Variants in DOK6 observed in about 807,000 individuals in gnomAD.
The protein encoded by DOK6 is downstream of tyrosine kinase 6.
In DOK6, 22 loss-of-function variants were observed where a neutral mutation model predicts 44.0. The observed-to-expected ratio is 0.50, with a 90% confidence interval of 0.36 to 0.71. DOK6 has a LOEUF of 0.71. DOK6 is among the 30% of genes least tolerant of loss of function. The pLI, the probability that DOK6 is intolerant of heterozygous loss-of-function variation, is 0.00. For missense variants in DOK6, 340 were observed against 416.4 expected, an observed-to-expected ratio of 0.82 and a Z score of 1.60; for synonymous variants, 166 against 145.5, an observed-to-expected ratio of 1.14 and a Z score of -1.01.
chr18:69,479,380 A>C (rs961180444), intron 1 of DOK6, among the ~76,000 whole-genome samples: 2 of 152,136 alleles, frequency 1.3e-5, no homozygotes, highest in African/African-American at 4.8e-5. Flanking sequence ...GGCTAGAGTA[A>C]GGGAAGAATG....
In DOK6 at chr18:69,698,542, C is replaced by T. The variant is rs376645571; in HGVS notation, c.548C>T (p.Ser183Leu). The T allele has an allele frequency of 6.2e-7, 1 of 1,613,936 alleles. No individual in the cohort carries two copies. Among genetic ancestry groups the T allele is most frequent in the African/African-American group, 1.3e-5 (1 of 74,892 alleles). Residue 183 changes from serine (S) to leucine (L), a missense_variant, in exon 5 of 8, where the codon TCA becomes TTA. By Grantham distance (145) the Ser-to-Leu change is moderately radical (BLOSUM62 -2). This residue lies in a region of DOK6 where 206 missense variants were observed against 258.6 expected (regional missense o/e 0.80). Transcript: ENST00000382713. Reference protein sequence around the residue: ...KVKLVMWPLSSLRRYGRDSTW... With the variant: ...KVKLVMWPLSLLRRYGRDSTW... ...AAACTGGTGATGTGGCCTCTCAGCT[C>T]ACTGAGGAGATACGGTCGGGACTCA...
chr18:69,645,689 A>G (rs1332292110), intron 3 of DOK6, among the ~76,000 whole-genome samples: 3 of 152,206 alleles, frequency 2.0e-5, no homozygotes, highest in African/African-American at 7.2e-5. Flanking sequence ...CCCAGGAAAA[A>G]AAAATGAATA....
chr18:69,784,371 G>A (rs560919697), intron 7 of DOK6, among the ~76,000 whole-genome samples: 1 of 151,810 alleles, frequency 6.6e-6, no homozygotes, highest in South Asian at 2.1e-4. Context: ...TAAATTGTTA[G>A]CCTTGCCCTA....
At chr18:69,523,491 C>T (rs1450218506) in intron 1 of DOK6, among the ~76,000 whole-genome samples, 1 of 152,064 alleles carries the variant, frequency 6.6e-6, no homozygotes, top group East Asian at 1.9e-4. Flanking sequence ...TAAATTCAAA[C>T]TCTCTCAAAC....
intron 6 of DOK6, among the ~76,000 whole-genome samples, chr18:69,745,159 G>A (rs553495910): frequency 1.3e-5 from 2 of 152,176 alleles, no homozygotes; most frequent in South Asian, 4.2e-4. Flanking sequence ...TGCATTTCAT[G>A]TATGTATGTA....
chr18:69,809,565 GACACACACACAC>G (rs57753226), intron 7 of DOK6, among the ~76,000 whole-genome samples: 1 of 146,116 alleles, frequency 6.8e-6, no homozygotes, highest in African/African-American at 2.5e-5. Context: ...CACACACACA[GACACACACACAC>G]ACACACACAC....
intron 7 of DOK6, among the ~76,000 whole-genome samples, chr18:69,840,366 G>C (rs1982180054): frequency 6.6e-6 from 1 of 152,134 alleles, no homozygotes; most frequent in Non-Finnish European, 1.5e-5. Flanking sequence ...TCATTCTCAA[G>C]TATGAAGAAT....
chr18:69,835,469 A>C (rs992121373), intron 7 of DOK6, among the ~76,000 whole-genome samples: 53 of 27,618 alleles, frequency 1.9e-3, no homozygotes, highest in South Asian at 6.2e-3. Flanking sequence ...CGTCTCAAAA[A>C]AACAACAACA....
intron 1 of DOK6, among the ~76,000 whole-genome samples, chr18:69,413,058 G>C (rs906414984): frequency 6.6e-6 from 1 of 152,096 alleles, no homozygotes; most frequent in Non-Finnish European, 1.5e-5. Context: ...TAACTTTAGA[G>C]AATATTTATG....
chr18:69,449,039 T>G lies in DOK6; in HGVS notation c.66+47729T>G, dbSNP rs139046166. ...ACTAGGGTTAAGGTATAACCAGGAC[T>G]GTATTAGACTAATTTGTACATATGT... On this transcript the variant is annotated intron_variant, in intron 1 of 7. Coordinates refer to ENST00000382713, the MANE Select transcript of DOK6 (RefSeq NM_152721.6). Among the ~76,000 whole-genome samples, 460 of 152,330 alleles carry G rather than the reference T, an allele frequency of 3.0e-3. 4 individuals carry two copies. Among genetic ancestry groups the G allele is most frequent in the African/African-American group, 0.01 (428 of 41,586 alleles).
At chr18:69,607,167 A>G (rs1007684451) in intron 3 of DOK6, among the ~76,000 whole-genome samples, 3 of 152,206 alleles carry the variant, frequency 2.0e-5, no homozygotes, top group Admixed American at 6.5e-5. Flanking sequence ...AACAACCAGC[A>G]CATATTGCAA....
rs1036727266 is a variant in DOK6 at position 69,842,730 on chromosome 18, C to A, written c.*1347C>A. 2.0e-5 allele frequency: 3 copies of A among 152,126 alleles called. No homozygotes were observed. The highest frequency in any genetic ancestry group is 7.2e-5 in the African/African-American group (3 of 41,418). The allele number at this position is 152,126 out of a possible 1,614,324, so 9.4% of individuals were successfully genotyped here. On this transcript the variant is annotated 3_prime_UTR_variant, in exon 8 of 8. Transcript: ENST00000382713. ...CCACGGAAACTGAGTTTGGCTAATT[C>A]AGGTCAACAAAGATATATTTGCCCT...
At chr18:69,526,589 TTC>T (rs969846204) in intron 1 of DOK6, among the ~76,000 whole-genome samples, 12 of 152,232 alleles carry the variant, frequency 7.9e-5, no homozygotes, top group African/African-American at 2.9e-4. Context: ...ATGTTTTCAT[TTC>T]TCTTAGATAT....
At chr18:69,553,260 G>A (rs149494408) in intron 1 of DOK6, among the ~76,000 whole-genome samples, 31 of 152,294 alleles carry the variant, frequency 2.0e-4, no homozygotes, top group Admixed American at 6.5e-4. Flanking sequence ...AATGAAATCC[G>A]TAACAGTTGT....
chr18:69,616,094 T>C (rs1033608212), intron 3 of DOK6, among the ~76,000 whole-genome samples: 1 of 152,182 alleles, frequency 6.6e-6, no homozygotes, highest in Non-Finnish European at 1.5e-5. Flanking sequence ...CATCACTCAC[T>C]AAACACTGAT....
chr18:69,608,753 CA>C (rs1020998545), intron 3 of DOK6, among the ~76,000 whole-genome samples: 2 of 151,830 alleles, frequency 1.3e-5, no homozygotes, highest in Non-Finnish European at 2.9e-5. Flanking sequence ...AATTCGAGAC[CA>C]GCCTGGCCAA....
intron 4 of DOK6, among the ~76,000 whole-genome samples, chr18:69,686,261 C>T (rs1416720698): frequency 2.6e-5 from 4 of 152,152 alleles, no homozygotes; most frequent in Non-Finnish European, 5.9e-5. Flanking sequence ...TTAAGCCACC[C>T]AGTCTGTGGT....
chr18:69,465,392 G>C (rs1025771992), intron 1 of DOK6, among the ~76,000 whole-genome samples: 1 of 151,680 alleles, frequency 6.6e-6, no homozygotes, highest in African/African-American at 2.4e-5. Context: ...TGCCATGCTG[G>C]TGTGCTGCAC....
At chr18:69,744,122 C>T (rs541588099) in intron 6 of DOK6, among the ~76,000 whole-genome samples, 17 of 152,102 alleles carry the variant, frequency 1.1e-4, no homozygotes, top group African/African-American at 4.1e-4. Flanking sequence ...ACCAGCCTGG[C>T]CAACATGGTT....
Sources: gnomAD v4.1 joint callset for allele counts (sites outside exome capture counted in the v4.1 genomes callset) on GRCh38, gnomAD v4.1.1 for gene constraint, gnomAD v4.1.1 regional missense constraint, MANE v1.5 for transcripts, NCBI Gene and HGNC (gene_info 2026-07-23, HGNC 2026-07-21) for gene names.